The following PHACTR2 variants were observed in gnomAD, a reference collection of about 807,000 sequenced individuals.
The protein encoded by PHACTR2 is chromosome 6 open reading frame 56.
A neutral mutation model predicts 76.0 loss-of-function variants in PHACTR2; 30 were observed. The observed-to-expected ratio is 0.39, with a 90% CI of 0.30 to 0.54. The LOEUF (loss-of-function observed/expected upper bound fraction) is 0.54, where lower values mean the gene tolerates loss of function less well. PHACTR2 is among the 20% of genes least tolerant of loss of function. The pLI is 0.61. For missense variants in PHACTR2, 696 were observed against 781.1 expected (o/e 0.89, Z 1.30); for synonymous variants, 292 against 292.5 (o/e 1.00, Z 0.02).
At chr6:143,613,131 C>G (rs1337621782) in intron 1 of PHACTR2, among the ~76,000 whole-genome samples, 2 of 152,240 alleles carry the variant, frequency 1.3e-5, no homozygotes, top group Admixed American at 1.3e-4. Context: ...CGCCTGCCCC[C>G]ATGCCCGGCT....
At chr6:143,538,767 G>A (rs992799986) in intron 1 of PHACTR2, among the ~76,000 whole-genome samples, 8 of 152,220 alleles carry the variant, frequency 5.3e-5, no homozygotes, top group Admixed American at 3.9e-4. Flanking sequence ...CCCAACATGT[G>A]TACTTGAAAA....
At chr6:143,540,419 T>C (rs1218285511) in intron 1 of PHACTR2, among the ~76,000 whole-genome samples, 1 of 152,136 alleles carries the variant, frequency 6.6e-6, no homozygotes, top group Non-Finnish European at 1.5e-5. Context: ...TCCACCTCCA[T>C]CCTTCTTTCC....
In PHACTR2 at chr6:143,688,789, C is replaced by T. The variant is rs1262291513; in HGVS notation, c.46+10580C>T. 6.6e-6 allele frequency among the ~76,000 whole-genome samples: 1 copy of T among 152,196 alleles called. No homozygotes were observed. The highest frequency in any genetic ancestry group is 1.5e-5 in the Non-Finnish European group (1 of 68,038). ...ACAACTGCAGTAGATTCCAGCTGCT[C>T]TCCTGCTTCTGTTCCCACCCTTCTG... On this transcript the variant is annotated intron_variant, in intron 1 of 12. Transcript: ENST00000440869. This position sits in a 1 kb window ranked among gnomAD's most constrained non-coding sequence, Gnocchi z 5.2.
rs1437031886 is a variant in PHACTR2, at chr6:143,564,223, ATATATATATATATG to A, written c.217+27020_217+27033del. On this transcript the variant is annotated intron_variant, in intron 1 of 11. Transcript: ENST00000367584. Reference sequence around the variant, plus strand: ...TATATATATATATATATATATATATATATATATATATATGTATGCCACTGCACTCTAACCTTGGC... The same window carrying A: ...TATATATATATATATATATATATATATATGCCACTGCACTCTAACCTTGGC... 4.7e-3 allele frequency among the ~76,000 whole-genome samples: 564 copies of A among 119,024 alleles called. 20 individuals are homozygous for A. The highest frequency in any genetic ancestry group is 8.2e-3 in the Admixed American group (97 of 11,794). 78.1% of individuals were successfully genotyped at this position (119,024 alleles called of 152,430 possible).
intron 2 of PHACTR2, among the ~76,000 whole-genome samples, chr6:143,748,434 G>A (rs1018098673): frequency 1.3e-5 from 2 of 152,334 alleles, no homozygotes; most frequent in Middle Eastern, 3.4e-3. Context: ...TAATATATAA[G>A]AACTCTCTAG....
rs2128448698 is a variant in PHACTR2, at chr6:143,662,596, G to C, written c.14-49420G>C. ...TTTAAACAACACTAAAAATGCATCTGTATTTTTCCCTGAATGCAAAACAGT... is the reference window on the plus strand; with the variant it reads ...TTTAAACAACACTAAAAATGCATCTCTATTTTTCCCTGAATGCAAAACAGT... On this transcript the variant is annotated intron_variant, in intron 1 of 11. Coordinates refer to the PHACTR2 transcript ENST00000305766. The surrounding 1 kb of genome is among the most constrained non-coding windows in gnomAD (Gnocchi z 4.7). Among the ~76,000 whole-genome samples the C allele has an allele frequency of 6.6e-6, 1 of 152,236 alleles. No homozygotes were observed. Among genetic ancestry groups the C allele is most frequent in the East Asian group, 1.9e-4 (1 of 5,182 alleles).
At chr6:143,573,794 G>A (rs1775474934) in intron 1 of PHACTR2, among the ~76,000 whole-genome samples, 1 of 152,166 alleles carries the variant, frequency 6.6e-6, no homozygotes, top group African/African-American at 2.4e-5. Context: ...TTTGTATGGA[G>A]CTTAGTCCTT....
intron 1 of PHACTR2, among the ~76,000 whole-genome samples, chr6:143,609,474 A>C (rs908020952): frequency 6.6e-6 from 1 of 152,176 alleles, no homozygotes; most frequent in Non-Finnish European, 1.5e-5. Context: ...TGTGTGTAGT[A>C]GTAGCAGGAG....
rs1775277584 is a variant in PHACTR2 at position 143,561,623 on chromosome 6, C to G, written c.217+24416C>G. The stretch of plus-strand genomic sequence containing the variant: ...CTGGGGAGGGCAGCACCCACAGGCT[C>G]TGGCCTGGCCTCTGCATTCCCACAG... On this transcript the variant is annotated intron_variant, in intron 1 of 11. Transcript: ENST00000367584. The surrounding 1 kb of genome is among the most constrained non-coding windows in gnomAD (Gnocchi z 4.1). Among the ~76,000 whole-genome samples the G allele has an allele frequency of 6.6e-6, 1 of 152,226 alleles. No individual in the cohort carries two copies.
intron 3 of PHACTR2, among the ~76,000 whole-genome samples, chr6:143,752,765 A>G (rs138772251): frequency 7.9e-5 from 12 of 152,300 alleles, no homozygotes; most frequent in African/African-American, 2.9e-4. Context: ...TAAGAGTAGT[A>G]AAAAATTGAA....
rs762138580 is a variant in PHACTR2, at chr6:143,783,327, C to CT, written c.1707+51dup. 1.2e-4 allele frequency: 133 copies of CT among 1,078,884 alleles called. No homozygotes were observed. The highest frequency in any genetic ancestry group is 2.6e-4 in the Middle Eastern group (1 of 3,906). The allele number at this position is 1,078,884 out of a possible 1,614,324, so 66.8% of individuals were successfully genotyped here. On this transcript the variant is annotated intron_variant, in intron 10 of 12. Coordinates refer to ENST00000440869, the MANE Select transcript of PHACTR2 (RefSeq NM_001100164.2). This position sits in a 1 kb window ranked among gnomAD's most constrained non-coding sequence, Gnocchi z 5.2. ...ATGAGCATATGTGTTTTGAGATATA[C>CT]TTTTAAAAAAAAATACTAATCCTCT...
chr6:143,657,543 A>C (rs925438217), intron 1 of PHACTR2, among the ~76,000 whole-genome samples: 3 of 152,182 alleles, frequency 2.0e-5, no homozygotes, highest in Non-Finnish European at 4.4e-5. Flanking sequence ...TGGTTTTATG[A>C]GTAGTTTCTC....
At chr6:143,763,510 TTAGA>T (rs1254834869) in intron 5 of PHACTR2, among the ~76,000 whole-genome samples, 3 of 152,240 alleles carry the variant, frequency 2.0e-5, no homozygotes, top group African/African-American at 7.2e-5. Flanking sequence ...TAGACTGGAC[TTAGA>T]TTGAAGGAGT....
intron 1 of PHACTR2, among the ~76,000 whole-genome samples, chr6:143,686,733 C>T (rs1310614379): frequency 1.3e-5 from 2 of 152,112 alleles, no homozygotes; most frequent in Non-Finnish European, 2.9e-5. Flanking sequence ...GATCCACCTG[C>T]CTCGGCCTCC....
chr6:143,724,422 G>A (rs1244133320), intron 2 of PHACTR2, among the ~76,000 whole-genome samples: 4 of 152,148 alleles, frequency 2.6e-5, no homozygotes, highest in African/African-American at 2.4e-5. Context: ...ATGAGCCACC[G>A]CGCCCAGCCT....
In PHACTR2 at chr6:143,764,194, A is replaced by G. The variant is rs142462292; in HGVS notation, c.695-1067A>G. Among the ~76,000 whole-genome samples, 645 of 152,262 alleles carry G rather than the reference A, an allele frequency of 4.2e-3. 7 individuals carry two copies. Among genetic ancestry groups the G allele is most frequent in the African/African-American group, 0.014 (580 of 41,546 alleles). Reference sequence around the variant, plus strand: ...GGTGGAGTCAGAAGACCTGAGAATGATATCCTTTCCATTCACATTATTTAG... The same window carrying G: ...GGTGGAGTCAGAAGACCTGAGAATGGTATCCTTTCCATTCACATTATTTAG... On this transcript the variant is annotated intron_variant, in intron 5 of 12. Transcript: ENST00000440869. This position sits in a 1 kb window ranked among gnomAD's most constrained non-coding sequence, Gnocchi z 4.7.
Position 143,751,932 on chromosome 6 carries a change from C to T in PHACTR2, c.296-1822C>T, listed in dbSNP as rs1212794912. ...CAGCTAATTAATAACTTTACTTCCC[C>T]TCTGTTTTGTTCTTGAATTCCATAT... On this transcript the variant is annotated intron_variant, in intron 3 of 12. Coordinates refer to ENST00000440869, the MANE Select transcript of PHACTR2 (RefSeq NM_001100164.2). The surrounding 1 kb of genome is among the most constrained non-coding windows in gnomAD (Gnocchi z 5.7). Among the ~76,000 whole-genome samples the T allele has an allele frequency of 6.6e-6, 1 of 152,078 alleles. No individual in the cohort carries two copies. Among genetic ancestry groups the T allele is most frequent in the African/African-American group, 2.4e-5 (1 of 41,412 alleles).
Position 143,625,116 on chromosome 6 carries a change from A to C in PHACTR2, c.13+16794A>C, listed in dbSNP as rs574831181. On this transcript the variant is annotated intron_variant, in intron 1 of 11. Coordinates refer to the PHACTR2 transcript ENST00000305766. The surrounding 1 kb of genome is among the most constrained non-coding windows in gnomAD (Gnocchi z 4.3). The stretch of plus-strand genomic sequence containing the variant: ...GGTTGCAGTAAGCCAAGATTGCACC[A>C]CTACACTCCAACATGGAGTGTAGAG... 6.6e-6 allele frequency among the ~76,000 whole-genome samples: 1 copy of C among 151,978 alleles called. No individual in the cohort carries two copies. Among genetic ancestry groups the C allele is most frequent in the African/African-American group, 2.4e-5 (1 of 41,348 alleles).
At chr6:143,603,370 G>A (rs1162615044), upstream of PHACTR2, among the ~76,000 whole-genome samples, 1 of 150,920 alleles carries the variant, frequency 6.6e-6, no homozygotes, top group African/African-American at 2.4e-5. Context: ...AATATAACAG[G>A]GAAAAAAATT....
Sources: gnomAD v4.1 joint callset for allele counts (sites outside exome capture counted in the v4.1 genomes callset) on GRCh38, gnomAD v4.1.1 for gene constraint, Gnocchi (gnomAD v3.1) non-coding constraint, MANE v1.5 for transcripts, NCBI Gene and HGNC (gene_info 2026-07-23, HGNC 2026-07-21) for gene names.